The following KAZN variants were observed in gnomAD, a reference collection of about 807,000 sequenced individuals.
KAZN encodes kazrin, periplakin interacting protein.
A neutral mutation model predicts 87.4 loss-of-function variants in KAZN; 40 were observed. That is an observed-to-expected ratio of 0.46 (90% CI 0.36 to 0.60). KAZN has a LOEUF of 0.60. Among genes scored for constraint, KAZN ranks in the 20% least tolerant of loss-of-function variants. The pLI, the probability that KAZN is intolerant of heterozygous loss-of-function variation, is 0.00. For synonymous variants in KAZN, 466 were observed against 458.3 expected (o/e 1.02, Z -0.22); for missense variants, 898 against 1,073.9 (o/e 0.84, Z 2.29).
At chr1:14,302,871 T>C (rs941595639) in intron 2 of KAZN, among the ~76,000 whole-genome samples, 3 of 152,088 alleles carry the variant, frequency 2.0e-5, no homozygotes, top group African/African-American at 7.2e-5. Context: ...GCGACGTGAG[T>C]TGTAAGAAGG....
At chr1:14,750,706 A>G (rs986432396) in intron 1 of KAZN, among the ~76,000 whole-genome samples, 1 of 152,110 alleles carries the variant, frequency 6.6e-6, no homozygotes, top group African/African-American at 2.4e-5. Flanking sequence ...TTACTCTTGC[A>G]TGGAAGCAAA....
chr1:14,380,923 T>A (rs1359782111), intron 2 of KAZN, among the ~76,000 whole-genome samples: 1 of 152,118 alleles, frequency 6.6e-6, no homozygotes, highest in Non-Finnish European at 1.5e-5. Flanking sequence ...ATCAAGGCAT[T>A]TAATAATCAA....
intron 2 of KAZN, among the ~76,000 whole-genome samples, chr1:14,181,901 G>A (rs1401161872): frequency 1.3e-5 from 2 of 152,066 alleles, no homozygotes; most frequent in African/African-American, 2.4e-5. Flanking sequence ...ATCCCAAAAG[G>A]CATTGTGTGT....
chr1:15,046,392 T>C (rs1673530334), intron 4 of KAZN, among the ~76,000 whole-genome samples: 1 of 152,034 alleles, frequency 6.6e-6, no homozygotes, highest in Admixed American at 6.6e-5. Context: ...CCTCGTTGTC[T>C]TCACGCTGAG....
chr1:14,980,145 T>C (rs1402796846), intron 2 of KAZN, among the ~76,000 whole-genome samples: 1 of 152,176 alleles, frequency 6.6e-6, no homozygotes, highest in African/African-American at 2.4e-5. Context: ...CACCTCCACC[T>C]CCCAAAGTGC....
chr1:15,063,424 A>G lies in KAZN; in HGVS notation c.1048-148A>G, dbSNP rs1638960812. On this transcript the variant is annotated intron_variant, in intron 6 of 14. Coordinates refer to ENST00000376030, the MANE Select transcript of KAZN (RefSeq NM_201628.3). ...CATCTGGGGGTATCTGCTTCAGGAG[A>G]TGGGGGGTGGGCTCCCCACTGCAGA... The G allele has an allele frequency of 1.0e-5, 7 of 690,388 alleles. No individual in the cohort carries two copies. In the South Asian group the frequency reaches 1.1e-4, roughly 11 times the overall value. 42.8% of individuals were successfully genotyped at this position (690,388 alleles called of 1,614,324 possible).
intron 2 of KAZN, among the ~76,000 whole-genome samples, chr1:14,586,133 T>C (rs999842363): frequency 6.6e-6 from 1 of 152,210 alleles, no homozygotes; most frequent in Non-Finnish European, 1.5e-5. Flanking sequence ...TGATTATTAA[T>C]TTCTGGAAGA....
intron 1 of KAZN, among the ~76,000 whole-genome samples, chr1:14,101,660 T>C (rs1016638725): frequency 2.0e-5 from 3 of 152,246 alleles, no homozygotes; most frequent in Non-Finnish European, 4.4e-5. Context: ...ACTGGAAAAT[T>C]TGAAAATTAC....
At chr1:14,983,677 C>T (rs372711558) in intron 2 of KAZN, among the ~76,000 whole-genome samples, 2 of 152,226 alleles carry the variant, frequency 1.3e-5, no homozygotes, top group African/African-American at 4.8e-5. Flanking sequence ...CGTGGTGGCT[C>T]ATACCTGTAA....
intron 1 of KAZN, among the ~76,000 whole-genome samples, chr1:13,986,394 G>T (rs1245247988): frequency 6.6e-6 from 1 of 152,112 alleles, no homozygotes; most frequent in African/African-American, 2.4e-5. Context: ...AACAAGTGTT[G>T]CTTATATAAT....
intron 1 of KAZN, among the ~76,000 whole-genome samples, chr1:14,940,457 G>C (rs1660926607): frequency 6.6e-6 from 1 of 152,186 alleles, no homozygotes; most frequent in African/African-American, 2.4e-5. Flanking sequence ...GTTGTAAGAA[G>C]ACAGCCACCA....
Position 14,171,192 on chromosome 1 carries a change from TTGA to T in KAZN, c.92-9240_92-9238del, listed in dbSNP as rs1645947755. Among the ~76,000 whole-genome samples, 3 of 152,356 alleles carry T rather than the reference TTGA, an allele frequency of 2.0e-5. No individual in the cohort carries two copies. The South Asian group carries it at 6.2e-4, about 32-fold the overall frequency. ...CACATTTTGTTAGTCCATGTATCAG[TTGA>T]TGGGAATTTGGGTTGTTTCCACCTT... On this transcript the variant is annotated intron_variant, in intron 1 of 16. Transcript: ENST00000636203.
intron 2 of KAZN, among the ~76,000 whole-genome samples, chr1:14,254,458 A>C (rs1045075452): frequency 6.6e-6 from 1 of 152,126 alleles, no homozygotes; most frequent in Non-Finnish European, 1.5e-5. Flanking sequence ...ACAGCCCCTA[A>C]TGGCTGATTG....
At chr1:14,987,233 G>A (rs149937642) in intron 2 of KAZN, among the ~76,000 whole-genome samples, 2,922 of 152,260 alleles carry the variant, frequency 0.019, 94 homozygotes, top group African/African-American at 0.066. Context: ...GGTGGCTCAC[G>A]CTTGTAATCC....
intron 1 of KAZN, among the ~76,000 whole-genome samples, chr1:14,030,786 C>A (rs902289013): frequency 1.3e-5 from 2 of 151,938 alleles, no homozygotes; most frequent in African/African-American, 4.8e-5. Context: ...AAGTTACTAA[C>A]GACTTAAGGA....
intron 1 of KAZN, among the ~76,000 whole-genome samples, chr1:14,783,284 T>C (rs571474717): frequency 8.0e-4 from 122 of 152,126 alleles, no homozygotes; most frequent in African/African-American, 2.6e-3. Context: ...TTCATCCTAA[T>C]AATAGAGCCC....
At chr1:14,162,550 T>TC (rs1645731514) in intron 1 of KAZN, among the ~76,000 whole-genome samples, 1 of 109,626 alleles carries the variant, frequency 9.1e-6, no homozygotes, top group Admixed American at 9.9e-5. Context: ...CTTTTTTCTT[T>TC]TTTTTTTTTT....
At chr1:15,109,724 T>G (rs1641425702) in intron 13 of KAZN, among the ~76,000 whole-genome samples, 1 of 145,248 alleles carries the variant, frequency 6.9e-6, no homozygotes, top group Non-Finnish European at 1.5e-5. Flanking sequence ...TGTGTGTATA[T>G]ATCTGTGTGT....
chr1:14,327,564 A>C (rs1235449378), intron 2 of KAZN, among the ~76,000 whole-genome samples: 3 of 152,146 alleles, frequency 2.0e-5, no homozygotes, highest in African/African-American at 7.2e-5. Flanking sequence ...CAATGCCTAG[A>C]GTCTAATTAT....
Sources: gnomAD v4.1 joint callset for allele counts (sites outside exome capture counted in the v4.1 genomes callset) on GRCh38, gnomAD v4.1.1 for gene constraint, MANE v1.5 for transcripts, NCBI Gene and HGNC (gene_info 2026-07-23, HGNC 2026-07-21) for gene names.